SV2C: variants seen among roughly 807,000 people sequenced by gnomAD.
The protein encoded by SV2C is solute carrier family 22 member B3.
In SV2C, 49 loss-of-function variants were observed where a neutral mutation model predicts 79.7. The ratio of observed to expected loss-of-function variants is 0.61; its 90% CI spans 0.49 to 0.78. The LOEUF (loss-of-function observed/expected upper bound fraction) is 0.78, where lower values mean the gene tolerates loss of function less well. Ranked by LOEUF, SV2C falls within the 30% of genes least tolerant of loss-of-function variation. The pLI, the probability that SV2C is intolerant of heterozygous loss-of-function variation, is 0.00. For missense variants in SV2C, 833 were observed against 912.9 expected, an observed-to-expected ratio of 0.91 and a Z score of 1.13; for synonymous variants, 334 against 333.2, an observed-to-expected ratio of 1.00 and a Z score of -0.03.
rs143453276 is a variant in SV2C, at chr5:76,117,210, A to G, written c.-101-14440A>G. On this transcript the variant is annotated intron_variant, in intron 1 of 12. Transcript: ENST00000502798. ...CAGAAACTAGTTTGTGGCCAATTAT[A>G]TATCATGGTTTTGAGAAAACTATAT... is the stretch of plus-strand genomic sequence containing the variant. Among the ~76,000 whole-genome samples, 72 of 152,312 alleles carry G rather than the reference A, an allele frequency of 4.7e-4. 1 individual carries two copies. The highest frequency in any genetic ancestry group is 1.7e-3 in the African/African-American group (71 of 41,578).
the SV2C span, among the ~76,000 whole-genome samples, chr5:76,067,018 C>T: frequency 6.6e-6 from 1 of 152,068 alleles, no homozygotes; most frequent in Non-Finnish European, 1.5e-5. Flanking sequence ...ACCTTAAAAA[C>T]AATTTTTACA....
chr5:76,258,256 C>T (rs531308119), intron 4 of SV2C, among the ~76,000 whole-genome samples: 2 of 152,116 alleles, frequency 1.3e-5, no homozygotes, highest in East Asian at 1.9e-4. Flanking sequence ...CTGCCCGGCC[C>T]TTTGGATGTA....
At chr5:75,885,936 T>C in the SV2C span, among the ~76,000 whole-genome samples, 10 of 152,272 alleles carry the variant, frequency 6.6e-5, no homozygotes, top group East Asian at 1.5e-3. Context: ...CAAGAAGCTA[T>C]TGGATTTCAG....
At chr5:76,095,998 G>A (rs1379743574) in intron 1 of SV2C, among the ~76,000 whole-genome samples, 2 of 151,998 alleles carry the variant, frequency 1.3e-5, no homozygotes, top group African/African-American at 2.4e-5. Context: ...GAAAACTATC[G>A]GTCTTAATCC....
the SV2C span, among the ~76,000 whole-genome samples, chr5:75,907,463 A>G: frequency 6.6e-6 from 1 of 152,096 alleles, no homozygotes; most frequent in Non-Finnish European, 1.5e-5. Context: ...CAGGCTATGG[A>G]GCAGCGCGGT....
At chr5:76,296,043 G>A in intron 9 of SV2C, 101 bp downstream of exon 9, 2 of 1,148,778 alleles carry the variant, frequency 1.7e-6, no homozygotes, top group Non-Finnish European at 2.4e-6. Flanking sequence ...TTGTTTGTTT[G>A]TTTTAGTTTG....
chr5:76,114,224 A>G (rs1375545472), intron 1 of SV2C, among the ~76,000 whole-genome samples: 1 of 152,178 alleles, frequency 6.6e-6, no homozygotes, highest in African/African-American at 2.4e-5. Context: ...AAGGGAAACA[A>G]CGAGTACAGC....
chr5:76,038,319 A>G, the SV2C span, among the ~76,000 whole-genome samples: 1 of 152,222 alleles, frequency 6.6e-6, no homozygotes, highest in African/African-American at 2.4e-5. Flanking sequence ...TCCTTAAGCT[A>G]GAAGTAGGGG....
the SV2C span, among the ~76,000 whole-genome samples, chr5:76,040,944 G>A: frequency 6.6e-6 from 1 of 152,166 alleles, no homozygotes; most frequent in Non-Finnish European, 1.5e-5. Flanking sequence ...CTTTTTACTG[G>A]TCTCAAGGTA....
In SV2C at chr5:76,194,953, G is replaced by A. The variant is rs758220100; in HGVS notation, c.615G>A (p.Ala205=). The change falls in exon 3 of 13, where the codon GCG becomes GCA. Residue 205 remains alanine, a synonymous_variant. Transcript: ENST00000502798. The part of the protein sequence containing the change: ...SIVYLGMMVG[A]FFWGGLADKV... ...TGTACCTCGGGATGATGGTGGGGGC[G>A]TTCTTCTGGGGAGGACTGGCAGACA... 34 of 1,614,006 alleles carry A rather than the reference G, an allele frequency of 2.1e-5. No individual in the cohort carries two copies. Among genetic ancestry groups the A allele is most frequent in the East Asian group, 4.5e-5 (2 of 44,866 alleles).
chr5:76,047,708 A>T, the SV2C span, among the ~76,000 whole-genome samples: 1 of 151,872 alleles, frequency 6.6e-6, no homozygotes, highest in Non-Finnish European at 1.5e-5. Flanking sequence ...AGTTCAAGAG[A>T]TCTATTGTAT....
the SV2C span, among the ~76,000 whole-genome samples, chr5:75,858,141 G>A: frequency 2.6e-5 from 4 of 152,108 alleles, no homozygotes; most frequent in East Asian, 3.8e-4. Context: ...CCAGTCGTAC[G>A]GTGAATAACA....
At chr5:75,961,358 A>G in the SV2C span, among the ~76,000 whole-genome samples, 2 of 152,026 alleles carry the variant, frequency 1.3e-5, no homozygotes, top group Non-Finnish European at 2.9e-5. Flanking sequence ...TATTTTAGCA[A>G]AATCACTAAT....
intron 2 of SV2C, among the ~76,000 whole-genome samples, chr5:76,180,753 G>C (rs997467882): frequency 3.9e-5 from 6 of 152,118 alleles, no homozygotes; most frequent in African/African-American, 1.4e-4. Flanking sequence ...TCTTTTCTGA[G>C]CTCTCATGCT....
Position 76,327,012 on chromosome 5 carries a change from G to A in SV2C, c.*1465G>A, listed in dbSNP as rs376468838. Reference sequence around the variant, plus strand: ...TCCTTTTTTAACTGCCTCGATAGAGGTTTATTCTTGTTACTTATTATAGGC... The same window carrying A: ...TCCTTTTTTAACTGCCTCGATAGAGATTTATTCTTGTTACTTATTATAGGC... On this transcript the variant is annotated 3_prime_UTR_variant, in exon 13 of 13. Coordinates refer to ENST00000502798, the MANE Select transcript of SV2C (RefSeq NM_014979.4). The A allele has an allele frequency of 6.6e-5, 10 of 151,974 alleles. No homozygotes were observed. The highest frequency in any genetic ancestry group is 1.2e-4 in the Non-Finnish European group (8 of 68,038). 9.4% of individuals were successfully genotyped at this position (151,974 alleles called of 1,614,324 possible).
chr5:76,056,839 G>T, the SV2C span, among the ~76,000 whole-genome samples: 2 of 151,494 alleles, frequency 1.3e-5, no homozygotes, highest in African/African-American at 4.9e-5. Flanking sequence ...TTTTTCTGTG[G>T]GATCAGTGGT....
rs569635533 is a variant in SV2C, at chr5:76,339,663, A to G, written c.2001-13467A>G. Among the ~76,000 whole-genome samples the G allele has an allele frequency of 2.5e-4, 38 of 149,424 alleles. No homozygotes were observed. In the South Asian group the frequency reaches 4.2e-3, roughly 17 times the overall value. ...TGGGAGGCGGAGCTTGCAGTGAGCC[A>G]AGATTGTGCCACTGCACTCCAGCCT... On this transcript the variant is annotated intron_variant, in intron 12 of 12. Transcript: ENST00000322285.
the SV2C span, among the ~76,000 whole-genome samples, chr5:75,958,076 G>T: frequency 5.9e-5 from 9 of 152,138 alleles, no homozygotes; most frequent in Non-Finnish European, 8.8e-5. Flanking sequence ...TAACCTTGAT[G>T]TGACACAGTG....
At chr5:76,135,612 A>T (rs1749041352) in intron 2 of SV2C, among the ~76,000 whole-genome samples, 1 of 152,218 alleles carries the variant, frequency 6.6e-6, no homozygotes, top group African/African-American at 2.4e-5. Flanking sequence ...TAAGATGAAC[A>T]CAGTGAGCAC....
Sources: gnomAD v4.1 joint callset for allele counts (sites outside exome capture counted in the v4.1 genomes callset) on GRCh38, gnomAD v4.1.1 for gene constraint, MANE v1.5 for transcripts, NCBI Gene and HGNC (gene_info 2026-07-23, HGNC 2026-07-21) for gene names.